Variants in PHACTR1 observed in about 807,000 individuals in gnomAD.
The protein encoded by PHACTR1 is phosphatase and actin regulator 1, also known as RPEL repeat containing 1.
Under a neutral mutation model 69.2 loss-of-function variants are expected in PHACTR1, and 16 were observed. The ratio of observed to expected loss-of-function variants is 0.23; its 90% CI spans 0.16 to 0.35. The LOEUF is 0.35. PHACTR1 is among the 10% of genes least tolerant of loss of function. PHACTR1 has a pLI of 1.00. For synonymous variants in PHACTR1, 312 were observed against 284.5 expected, an observed-to-expected ratio of 1.10 and a Z score of -0.97; for missense variants, 510 against 734.7, an observed-to-expected ratio of 0.69 and a Z score of 3.54.
intron 4 of PHACTR1, among the ~76,000 whole-genome samples, chr6:12,791,905 T>G (rs556224625): frequency 6.6e-6 from 1 of 152,276 alleles, no homozygotes; most frequent in Admixed American, 6.5e-5. Flanking sequence ...CATAATGTGT[T>G]TCATAATATG....
rs185251034 is a variant in PHACTR1 at position 13,023,588 on chromosome 6, T to C, written c.251-29777T>C. On this transcript the variant is annotated intron_variant, in intron 4 of 14. Transcript: ENST00000332995. ...CATTTTTAGGACTGTGACATTCTGC[T>C]TCCCTTGTCCCCTTACCTCGGTTCT... 5.2e-5 allele frequency among the ~76,000 whole-genome samples: 8 copies of C among 152,382 alleles called. No homozygotes were observed. In the South Asian group the frequency reaches 8.3e-4, roughly 16 times the overall value.
chr6:12,717,964 T>C (rs985529648), intron 2 of PHACTR1, among the ~76,000 whole-genome samples: 2 of 152,118 alleles, frequency 1.3e-5, no homozygotes, highest in African/African-American at 4.8e-5. Context: ...AAAGGCTACA[T>C]AGGCTTGAAA....
At chr6:12,907,635 T>A (rs2127491230) in intron 4 of PHACTR1, among the ~76,000 whole-genome samples, 1 of 152,352 alleles carries the variant, frequency 6.6e-6, no homozygotes, top group South Asian at 2.1e-4. Context: ...AGAAGGAACC[T>A]GGACATCTTT....
intron 5 of PHACTR1, among the ~76,000 whole-genome samples, chr6:13,085,417 G>C (rs2127809315): frequency 6.6e-6 from 1 of 152,040 alleles, no homozygotes; most frequent in East Asian, 1.9e-4. Flanking sequence ...GGTCATAAAA[G>C]GATAGACTAA....
At chr6:13,001,122 T>C (rs1050953143) in intron 4 of PHACTR1, among the ~76,000 whole-genome samples, 4 of 152,208 alleles carry the variant, frequency 2.6e-5, no homozygotes, top group Non-Finnish European at 5.9e-5. Flanking sequence ...GTGGTTCCAT[T>C]GGTAGAAAAT....
intron 3 of PHACTR1, among the ~76,000 whole-genome samples, chr6:12,719,575 T>A (rs1025570161): frequency 6.6e-6 from 1 of 152,196 alleles, no homozygotes; most frequent in Non-Finnish European, 1.5e-5. Flanking sequence ...AGCAACCTGA[T>A]GATGGGCATG....
chr6:12,956,539 T>C (rs892259642), intron 4 of PHACTR1, among the ~76,000 whole-genome samples: 3 of 152,156 alleles, frequency 2.0e-5, no homozygotes, highest in Non-Finnish European at 4.4e-5. Flanking sequence ...GCAATATGGT[T>C]GAAAGTGGAG....
At chr6:13,182,455 A>G in intron 6 of PHACTR1, 64 bp from the exon 7 acceptor site, 2 of 1,538,686 alleles carry the variant, frequency 1.3e-6, no homozygotes, top group Middle Eastern at 1.7e-4. Flanking sequence ...GCAGGCGGGA[A>G]GTGCCACTCT....
chr6:12,985,539 AAAATATAT>A (rs1431460263), intron 4 of PHACTR1, among the ~76,000 whole-genome samples: 1 of 132,984 alleles, frequency 7.5e-6, no homozygotes, highest in South Asian at 2.4e-4. Flanking sequence ...AAAAAAAAAA[AAAATATAT>A]ATATATATAT....
chr6:12,763,641 G>A (rs1002950335), intron 4 of PHACTR1, among the ~76,000 whole-genome samples: 1 of 152,108 alleles, frequency 6.6e-6, no homozygotes, highest in African/African-American at 2.4e-5. Flanking sequence ...ACTCAATCAG[G>A]CATAACTTTA....
chr6:13,131,150 CAT>C (rs1342701046), intron 5 of PHACTR1, among the ~76,000 whole-genome samples: 2 of 150,738 alleles, frequency 1.3e-5, no homozygotes, highest in Admixed American at 6.6e-5. Context: ...TATATATACA[CAT>C]ATATATGTAT....
chr6:13,193,385 A>ATATATATATATT (rs1561971538), intron 7 of PHACTR1, among the ~76,000 whole-genome samples: 2 of 136,512 alleles, frequency 1.5e-5, no homozygotes, highest in Non-Finnish European at 3.2e-5. Context: ...ATATATATAT[A>ATATATATATATT]GTTTTGGGGA....
At chr6:13,195,478 C>T (rs1561975209) in intron 7 of PHACTR1, among the ~76,000 whole-genome samples, 6 of 151,996 alleles carry the variant, frequency 3.9e-5, no homozygotes, top group Admixed American at 3.3e-4. Flanking sequence ...CATTTGTGGC[C>T]TGGCGCGGTG....
At chr6:12,735,813 T>C (rs1168425405) in intron 3 of PHACTR1, among the ~76,000 whole-genome samples, 1 of 152,206 alleles carries the variant, frequency 6.6e-6, no homozygotes, top group Non-Finnish European at 1.5e-5. Flanking sequence ...GTGGACTTGA[T>C]TCTTCCTATG....
At chr6:12,720,356 C>T (rs1761952021) in intron 3 of PHACTR1, among the ~76,000 whole-genome samples, 1 of 152,204 alleles carries the variant, frequency 6.6e-6, no homozygotes, top group Admixed American at 6.5e-5. Flanking sequence ...AATAAAGATG[C>T]CCATTTTGTC....
At chr6:12,995,240 T>C (rs780801994) in intron 4 of PHACTR1, among the ~76,000 whole-genome samples, 44 of 147,230 alleles carry the variant, frequency 3.0e-4, no homozygotes, top group Non-Finnish European at 5.8e-4. Context: ...TAATGACAAC[T>C]ATTAAAAAAA....
At chr6:13,208,230 T>G (rs1290880892) in intron 8 of PHACTR1, among the ~76,000 whole-genome samples, 1 of 152,192 alleles carries the variant, frequency 6.6e-6, no homozygotes, top group African/African-American at 2.4e-5. Context: ...GGAGGTTCAC[T>G]AAGTTCCCCA....
chr6:12,959,063 G>C (rs2127563512), intron 4 of PHACTR1, among the ~76,000 whole-genome samples: 1 of 151,676 alleles, frequency 6.6e-6, no homozygotes, highest in South Asian at 2.1e-4. Flanking sequence ...TGTAGTCCCA[G>C]CTACTGGGGA....
At chr6:13,078,045 G>A (rs1178965216) in intron 5 of PHACTR1, among the ~76,000 whole-genome samples, 3 of 152,046 alleles carry the variant, frequency 2.0e-5, no homozygotes, top group African/African-American at 4.8e-5. Context: ...TGAAGGAGAG[G>A]TCATCTACTG....
Sources: allele counts gnomAD v4.1 joint callset (sites outside exome capture counted in the v4.1 genomes callset), GRCh38; gene constraint gnomAD v4.1.1; transcripts MANE v1.5; gene names NCBI Gene and HGNC (gene_info 2026-07-23, HGNC 2026-07-21).